ADAM10: variants seen among roughly 807,000 people sequenced by gnomAD.
ADAM10 encodes the protein ADAM metallopeptidase domain 10, also known as disintegrin and metalloproteinase domain-containing protein 10.
ADAM10 carries 17 observed loss-of-function variants against 90.1 expected under a neutral mutation model. That is an observed-to-expected ratio of 0.19 (90% confidence interval 0.13 to 0.28). The LOEUF (loss-of-function observed/expected upper bound fraction) is 0.28. Among genes scored for constraint, ADAM10 ranks in the 10% least tolerant of loss-of-function variants. The pLI, the probability that ADAM10 is intolerant of heterozygous loss-of-function variation, is 1.00. For missense variants in ADAM10, 610 were observed against 914.3 expected, an observed-to-expected ratio of 0.67 and a Z score of 4.29; for synonymous variants, 310 against 298.6, an observed-to-expected ratio of 1.04 and a Z score of -0.40.
chr15:58,658,203 T>C (rs1318454658), intron 5 of ADAM10, among the ~76,000 whole-genome samples: 1 of 152,174 alleles, frequency 6.6e-6, no homozygotes, highest in Non-Finnish European at 1.5e-5. Context: ...AGGTGTGAAG[T>C]ACAGGTGAAT....
Position 58,749,652 on chromosome 15 carries a change from C to G in ADAM10, c.-118G>C. On this transcript the variant is annotated 5_prime_UTR_variant, in exon 1 of 16. Coordinates refer to ENST00000260408, the MANE Select transcript of ADAM10 (RefSeq NM_001110.4). ...CCTCCACGGGAAGCCGGGACCTCCCCTGGCAGGAGAAACGGCGAAGCACCT... is the reference window on the plus strand; with the variant it reads ...CCTCCACGGGAAGCCGGGACCTCCCGTGGCAGGAGAAACGGCGAAGCACCT... 1.3e-6 allele frequency: 2 copies of G among 1,502,274 alleles called. No homozygotes were observed. Among genetic ancestry groups the G allele is most frequent in the African/African-American group, 2.8e-5 (2 of 71,040 alleles). 93.1% of individuals were successfully genotyped at this position (1,502,274 alleles called of 1,614,324 possible). A position where few individuals can be genotyped will look rare whatever the true frequency, so the allele number is the denominator to read the frequency against.
intron 3 of ADAM10, among the ~76,000 whole-genome samples, chr15:58,680,048 C>G (rs1212749338): frequency 3.9e-5 from 6 of 152,128 alleles, no homozygotes; most frequent in Non-Finnish European, 8.8e-5. Flanking sequence ...AAAAAAGCTC[C>G]TTTTCCATCC....
chr15:58,619,101 G>A (rs1895703605), intron 11 of ADAM10, among the ~76,000 whole-genome samples: 1 of 152,118 alleles, frequency 6.6e-6, no homozygotes, highest in African/African-American at 2.4e-5. Flanking sequence ...TAGTCTAAGT[G>A]TCCACCAAGA....
chr15:58,679,923 CAATT>C (rs768483958), intron 3 of ADAM10, among the ~76,000 whole-genome samples: 10 of 152,098 alleles, frequency 6.6e-5, no homozygotes, highest in South Asian at 2.1e-4. Context: ...CAAAACAAAA[CAATT>C]AATTGTTAAA....
At chr15:58,715,134 A>G (rs1429539369) in intron 2 of ADAM10, among the ~76,000 whole-genome samples, 2 of 152,134 alleles carry the variant, frequency 1.3e-5, no homozygotes. Flanking sequence ...AAAGCACCCT[A>G]AAATGGGCCA....
At chr15:58,739,111 C>T (rs929891787) in intron 1 of ADAM10, among the ~76,000 whole-genome samples, 36 of 152,184 alleles carry the variant, frequency 2.4e-4, no homozygotes, top group African/African-American at 8.4e-4. Flanking sequence ...CTCCTCCCTA[C>T]TAAATGGCCT....
intron 1 of ADAM10, among the ~76,000 whole-genome samples, chr15:58,739,838 T>C (rs1350168992): frequency 3.3e-5 from 5 of 152,258 alleles, no homozygotes; most frequent in Non-Finnish European, 7.3e-5. Flanking sequence ...TTCCATAATA[T>C]AGCTGACAGC....
At chr15:58,739,556 A>G (rs1432686428) in intron 1 of ADAM10, among the ~76,000 whole-genome samples, 1 of 152,066 alleles carries the variant, frequency 6.6e-6, no homozygotes, top group East Asian at 1.9e-4. Flanking sequence ...TTTTCAAAAA[A>G]TAAATTCTTA....
chr15:58,691,572 T>C (rs183184160), intron 2 of ADAM10: 7 of 510,838 alleles, frequency 1.4e-5, no homozygotes, highest in Middle Eastern at 6.0e-4. Flanking sequence ...AGAGTCCTCA[T>C]GGATTCCAAG....
Position 58,610,489 on chromosome 15 carries a change from C to T in ADAM10, c.1833G>A (p.Gly611=), listed in dbSNP as rs761217726. Residue 611 remains glycine, a synonymous_variant, in exon 14 of 16, where the codon GGG becomes GGA. Transcript: ENST00000260408. ...TGAAGTGCCTACTCCACTGCACAGACCCTGTACTGGCACAAGTTGATGGGT... is the reference window on the plus strand; with the variant it reads ...TGAAGTGCCTACTCCACTGCACAGATCCTGTACTGGCACAAGTTGATGGGT... ...KMDPSTCAST[G]SVQWSRHFSG... is the part of the protein sequence containing the mutation. The T allele has an allele frequency of 1.9e-6, 3 of 1,614,010 alleles. No homozygotes were observed. Among genetic ancestry groups the T allele is most frequent in the Non-Finnish European group, 2.5e-6 (3 of 1,180,022 alleles).
At position 58,591,442 on chromosome 15, in the gene ADAM10, T is replaced by C. The variant is rs975785497; in HGVS notation, c.*6105A>G. The C allele has an allele frequency of 1.6e-4, 25 of 152,140 alleles. No homozygotes were observed. Among genetic ancestry groups the C allele is most frequent in the Non-Finnish European group, 3.1e-4 (21 of 68,024 alleles). 9.4% of individuals were successfully genotyped at this position (152,140 alleles called of 1,614,324 possible). A position where few individuals can be genotyped will look rare whatever the true frequency, so the allele number is the denominator to read the frequency against. On this transcript the variant is annotated 3_prime_UTR_variant, in exon 16 of 16. Coordinates refer to ENST00000260408, the MANE Select transcript of ADAM10 (RefSeq NM_001110.4). ...TCACATTTAAAACACTTTTTTTTTT[T>C]CTTTGAGATGGAGTCTCACTATTTT...
At chr15:58,617,596 A>T (rs751044227) in intron 11 of ADAM10, among the ~76,000 whole-genome samples, 1 of 152,208 alleles carries the variant, frequency 6.6e-6, no homozygotes, top group Non-Finnish European at 1.5e-5. Context: ...AGGACATCCA[A>T]ATTGGAAAGG....
intron 2 of ADAM10, among the ~76,000 whole-genome samples, chr15:58,708,670 C>T (rs562351857): frequency 6.6e-6 from 1 of 152,072 alleles, no homozygotes; most frequent in African/African-American, 2.4e-5. Context: ...ACCAACCTGG[C>T]AATTGATACT....
At chr15:58,668,790 A>G (rs1225694281) in intron 4 of ADAM10, among the ~76,000 whole-genome samples, 1 of 152,112 alleles carries the variant, frequency 6.6e-6, no homozygotes, top group Non-Finnish European at 1.5e-5. Context: ...AAACCAATAA[A>G]TACTTGTTGA....
In ADAM10 at chr15:58,590,041, G is replaced by C. The variant is rs1894792992; in HGVS notation, c.*7506C>G. The C allele has an allele frequency of 6.6e-6, 1 of 152,156 alleles. No homozygotes were observed. Among genetic ancestry groups the C allele is most frequent in the Admixed American group, 6.5e-5 (1 of 15,278 alleles). The allele number at this position is 152,156 out of a possible 1,614,324, so 9.4% of individuals were successfully genotyped here. On this transcript the variant is annotated 3_prime_UTR_variant, in exon 16 of 16. Coordinates refer to ENST00000260408, the MANE Select transcript of ADAM10 (RefSeq NM_001110.4). ...TTCCCCAAAGAAAAATCAGCTATCA[G>C]TGCCCAGTATATAACCAATCGACAT... is the stretch of plus-strand genomic sequence containing the variant.
intron 1 of ADAM10, among the ~76,000 whole-genome samples, chr15:58,729,703 C>T (rs1481859114): frequency 2.0e-5 from 3 of 152,214 alleles, no homozygotes; most frequent in Admixed American, 2.0e-4. Context: ...GGGGCTCACG[C>T]TTGTAATCCC....
chr15:58,656,344 C>T (rs747163200), intron 5 of ADAM10, among the ~76,000 whole-genome samples: 1 of 152,220 alleles, frequency 6.6e-6, no homozygotes, highest in East Asian at 1.9e-4. Flanking sequence ...GGACTTACTC[C>T]TGCCACTTTG....
intron 1 of ADAM10, among the ~76,000 whole-genome samples, chr15:58,724,048 T>C (rs1399317464): frequency 6.6e-6 from 1 of 151,814 alleles, no homozygotes; most frequent in Non-Finnish European, 1.5e-5. Flanking sequence ...CTGGCCAACA[T>C]GGTGAAACCC....
At chr15:58,617,768 A>G (rs1049546093) in intron 11 of ADAM10, among the ~76,000 whole-genome samples, 2 of 152,140 alleles carry the variant, frequency 1.3e-5, no homozygotes, top group African/African-American at 4.8e-5. Flanking sequence ...ATACAAGAAA[A>G]TAGCAGAAAA....
Sources: gnomAD v4.1 joint callset for allele counts (sites outside exome capture counted in the v4.1 genomes callset) on GRCh38, gnomAD v4.1.1 for gene constraint, MANE v1.5 for transcripts, NCBI Gene and HGNC (gene_info 2026-07-23, HGNC 2026-07-21) for gene names.